Variants in DSG1 observed in about 807,000 individuals in gnomAD.
DSG1 encodes the protein desmoglein 1.
Under a neutral mutation model 97.5 loss-of-function variants are expected in DSG1, and 39 were observed. The ratio of observed to expected loss-of-function variants is 0.40; its 90% CI spans 0.31 to 0.52. DSG1 has a LOEUF of 0.52. Among genes scored for constraint, DSG1 ranks in the 20% least tolerant of loss-of-function variants. DSG1 has a pLI of 0.53. For synonymous variants in DSG1, 475 were observed against 443.4 expected (o/e 1.07, Z -0.90); for missense variants, 1,311 against 1,295.4 (o/e 1.01, Z -0.18).
intron 14 of DSG1, among the ~76,000 whole-genome samples, chr18:31,348,372 T>C (rs1396956749): frequency 6.6e-6 from 1 of 152,084 alleles, no homozygotes; most frequent in East Asian, 1.9e-4. Context: ...CTACCATAGA[T>C]GGACATTTGG....
chr18:31,340,794 G>C (rs1157398513), intron 11 of DSG1, among the ~76,000 whole-genome samples: 1 of 152,128 alleles, frequency 6.6e-6, no homozygotes, highest in East Asian at 1.9e-4. Flanking sequence ...TAAAAGATAG[G>C]CAGGGGCCAG....
Position 31,339,812 on chromosome 18 carries a change from A to G in DSG1, c.1474A>G (p.Thr492Ala). 1 of 1,613,512 alleles carries G rather than the reference A, an allele frequency of 6.2e-7. No homozygotes were observed. Among genetic ancestry groups the G allele is most frequent in the South Asian group, 1.1e-5 (1 of 91,070 alleles). ...TCAAAGTTTTGGTAATGACGACAGGACTAATACAGAGCCGAACACTAAAAT... is the reference window on the plus strand; with the variant it reads ...TCAAAGTTTTGGTAATGACGACAGGGCTAATACAGAGCCGAACACTAAAAT... ...NIQSFGNDDR[T>A]NTEPNTKITT... is the part of the protein sequence containing the mutation. Residue 492 changes from threonine to alanine, a missense_variant, in exon 11 of 15, where the codon ACT becomes GCT. Physicochemically the swap from Thr to Ala is moderately conservative, Grantham distance 58 (BLOSUM62 0). Transcript: ENST00000257192.
At chr18:31,329,710 C>A (rs931239764) in intron 4 of DSG1, among the ~76,000 whole-genome samples, 182 bp from the exon 5 acceptor site, 5 of 151,954 alleles carry the variant, frequency 3.3e-5, no homozygotes, top group Non-Finnish European at 7.4e-5. Flanking sequence ...CCCCATGTAG[C>A]TACTACCTAG....
intron 13 of DSG1, among the ~76,000 whole-genome samples, chr18:31,344,399 G>A (rs72927201): frequency 5.3e-5 from 8 of 152,074 alleles, no homozygotes; most frequent in East Asian, 1.9e-4. Context: ...AAATAGAGCC[G>A]TGCTCATTTA....
chr18:31,335,057 C>T (rs749695887), intron 8 of DSG1, among the ~76,000 whole-genome samples: 6 of 152,094 alleles, frequency 3.9e-5, no homozygotes, highest in Admixed American at 2.0e-4. Flanking sequence ...GACTCTCAAA[C>T]GACTCTGTCC....
intron 1 of DSG1, among the ~76,000 whole-genome samples, chr18:31,324,722 C>T (rs1042524280): frequency 1.1e-4 from 16 of 152,300 alleles, no homozygotes; most frequent in African/African-American, 3.8e-4. Flanking sequence ...TCCATTCCCT[C>T]TGTCTCTGCT....
Position 31,359,023 on chromosome 18 carries a change from C to T in DSG1, c.*3677C>T, listed in dbSNP as rs2071981128. Among the ~76,000 whole-genome samples the T allele has an allele frequency of 6.6e-6, 1 of 152,082 alleles. No homozygotes were observed. Among genetic ancestry groups the T allele is most frequent in the East Asian group, 1.9e-4 (1 of 5,196 alleles). On this transcript the variant is annotated 3_prime_UTR_variant, in exon 15 of 15. Coordinates refer to ENST00000257192, the MANE Select transcript of DSG1 (RefSeq NM_001942.4). Reference sequence around the variant, plus strand: ...CTAAATGCTTTATCGTCAAACTGTACCTAGTCTAACTTATTTTTCTTTTGC... The same window carrying T: ...CTAAATGCTTTATCGTCAAACTGTATCTAGTCTAACTTATTTTTCTTTTGC...
At chr18:31,349,500 G>A (rs1465556146) in intron 14 of DSG1, among the ~76,000 whole-genome samples, 1 of 148,252 alleles carries the variant, frequency 6.7e-6, no homozygotes, top group Non-Finnish European at 1.5e-5. Flanking sequence ...CCAATTCTGT[G>A]AAGAAAGTCA....
intron 10 of DSG1, 130 bp downstream of exon 10, chr18:31,338,584 C>A: frequency 1.1e-6 from 1 of 911,404 alleles, no homozygotes; most frequent in Non-Finnish European, 1.7e-6. Flanking sequence ...GCATTATAGA[C>A]TCATATCTTT....
Position 31,343,597 on chromosome 18 carries a change from T to C in DSG1, c.1821+14T>C, listed in dbSNP as rs1319482819. 6.2e-7 allele frequency: 1 copy of C among 1,614,068 alleles called. No individual in the cohort carries two copies. On this transcript the variant is annotated intron_variant, in intron 12 of 14. Coordinates refer to ENST00000257192, the MANE Select transcript of DSG1 (RefSeq NM_001942.4). ...CCTGAACCCAGGGTAAGTGCCACAT[T>C]CTAAGAAATAGCCGTTGGTAGTCAC...
chr18:31,328,310 C>G lies in DSG1; in HGVS notation c.338C>G (p.Ser113Cys). The G allele has an allele frequency of 6.2e-7, 1 of 1,613,286 alleles. No homozygotes were observed. The highest frequency in any genetic ancestry group is 2.2e-5 in the East Asian group (1 of 44,850). Residue 113 changes from serine (S) to cysteine (C), a missense_variant, in exon 4 of 15, where the codon TCC (serine) becomes TGC (cysteine). Ser to Cys is a moderately radical substitution (Grantham distance 112, BLOSUM62 -1). This residue lies in a region of DSG1 where 259 missense variants were observed against 304.1 expected (regional missense o/e 0.85). Transcript: ENST00000257192. ...NQKTGEINIT[S>C]IVDREVTPFF... is the part of the protein sequence containing the mutation. ...AAAACTGGTGAAATTAATATAACAT[C>G]CATAGTTGATCGAGAGGTCACTCCT...
At chr18:31,353,571 C>T (rs1169191653) in intron 14 of DSG1, among the ~76,000 whole-genome samples, 3 of 152,202 alleles carry the variant, frequency 2.0e-5, no homozygotes, top group African/African-American at 4.8e-5. Flanking sequence ...CCCCCAGCCT[C>T]ACTGCCGCTT....
chr18:31,348,318 A>T (rs1349492766), intron 14 of DSG1, among the ~76,000 whole-genome samples: 5,321 of 150,838 alleles, frequency 0.035, 330 homozygotes, highest in African/African-American at 0.12. Context: ...TTATGGCTGC[A>T]TAGTATTCCA....
At chr18:31,353,308 G>A (rs2144124239) in intron 14 of DSG1, among the ~76,000 whole-genome samples, 1 of 151,832 alleles carries the variant, frequency 6.6e-6, no homozygotes, top group Non-Finnish European at 1.5e-5. Flanking sequence ...GGACCCACTT[G>A]AGGAGGCAGT....
intron 5 of DSG1, among the ~76,000 whole-genome samples, chr18:31,330,950 G>A (rs928153509): frequency 6.6e-6 from 1 of 152,002 alleles, no homozygotes; most frequent in South Asian, 2.1e-4. Context: ...ATGCCATGAA[G>A]CATTTGTAGG....
At chr18:31,343,417 C>A in intron 11 of DSG1, 33 bp from the exon 12 acceptor site, 1 of 1,613,944 alleles carries the variant, frequency 6.2e-7, no homozygotes, top group Non-Finnish European at 8.5e-7. Context: ...GCACCCAGTG[C>A]TAACTCTAGT....
chr18:31,330,380 G>T (rs2071713012), intron 5 of DSG1, among the ~76,000 whole-genome samples: 1 of 152,012 alleles, frequency 6.6e-6, no homozygotes, highest in East Asian at 1.9e-4. Flanking sequence ...ACCCTTTTCT[G>T]CTCTTACTGC....
At chr18:31,332,475 A>C (rs567862003) in intron 6 of DSG1, among the ~76,000 whole-genome samples, 1 of 152,280 alleles carries the variant, frequency 6.6e-6, no homozygotes, top group South Asian at 2.1e-4. Flanking sequence ...ATAAGAAAAT[A>C]ACTAGTGATG....
Position 31,346,093 on chromosome 18 carries a change from G to A in DSG1, c.1995G>A (p.Met665Ile), listed in dbSNP as rs35360042. 2.5e-6 allele frequency: 4 copies of A among 1,613,380 alleles called. No homozygotes were observed. The highest frequency in any genetic ancestry group is 1.3e-5 in the African/African-American group (1 of 75,016). Residue 665 changes from methionine to isoleucine, a missense_variant, in exon 14 of 15, where the codon ATG (methionine) becomes ATA (isoleucine). Around this residue, in one of 3 missense-constraint regions of DSG1, gnomAD observed 1,038 missense variants for 964.6 expected, o/e 1.08. Coordinates refer to ENST00000257192, the MANE Select transcript of DSG1 (RefSeq NM_001942.4). ...CAGAGGGAGTTAAAACTTCAGGAAT[G>A]CCTGAGATATGTCAAGAATACTCTG... ...ELTEGVKTSG[M>I]PEICQEYSGT...
Sources: gnomAD v4.1 joint callset for allele counts (sites outside exome capture counted in the v4.1 genomes callset) on GRCh38, gnomAD v4.1.1 for gene constraint, gnomAD v4.1.1 regional missense constraint, MANE v1.5 for transcripts, NCBI Gene and HGNC (gene_info 2026-07-23, HGNC 2026-07-21) for gene names.